The following STON1 variants were observed in gnomAD, a reference collection of about 807,000 sequenced individuals.
STON1 encodes stonin-1.
STON1 carries 79 observed loss-of-function variants against 60.9 expected under a neutral mutation model. The observed-to-expected ratio is 1.30, with a 90% CI of 1.08 to 1.56. The LOEUF (loss-of-function observed/expected upper bound fraction) is 1.56, where lower values mean the gene tolerates loss of function less well. STON1 is among the 40% of genes most tolerant of loss of function. The probability of loss-of-function intolerance (pLI) is 0.00; values close to 1 mark genes in which losing one functional copy is unlikely to be tolerated. For synonymous variants in STON1, 363 were observed against 306.9 expected (o/e 1.18, Z -1.91); for missense variants, 1,166 against 858.9 (o/e 1.36, Z -4.47).
intron 1 of STON1, among the ~76,000 whole-genome samples, chr2:48,532,544 T>C (rs1406016372): frequency 6.6e-6 from 1 of 152,166 alleles, no homozygotes; most frequent in Non-Finnish European, 1.5e-5. Flanking sequence ...TTCAGTCTCT[T>C]CCTCTTCCTG....
intron 1 of STON1, among the ~76,000 whole-genome samples, chr2:48,577,322 C>T (rs1249933549): frequency 1.3e-5 from 2 of 151,936 alleles, no homozygotes; most frequent in Non-Finnish European, 2.9e-5. Flanking sequence ...GTGGCTCATC[C>T]CTATAATCCC....
At chr2:48,583,736 G>C (rs538115364) in intron 2 of STON1, among the ~76,000 whole-genome samples, 78 of 149,326 alleles carry the variant, frequency 5.2e-4, no homozygotes, top group African/African-American at 1.7e-3. Flanking sequence ...TCCATCCATT[G>C]ATCCAAATCT....
At chr2:48,590,083 T>C (rs1317279573) in intron 2 of STON1, among the ~76,000 whole-genome samples, 1 of 152,222 alleles carries the variant, frequency 6.6e-6, no homozygotes, top group East Asian at 1.9e-4. Flanking sequence ...CTGCAGTAAG[T>C]GTAAATGAAC....
At chr2:48,544,868 C>A (rs976946608) in intron 1 of STON1, among the ~76,000 whole-genome samples, 7 of 152,156 alleles carry the variant, frequency 4.6e-5, no homozygotes, top group African/African-American at 1.7e-4. Context: ...TGCTACAAAC[C>A]TTGTTTTTGT....
chr2:48,536,096 A>G (rs1273237555), intron 1 of STON1, among the ~76,000 whole-genome samples: 4 of 151,786 alleles, frequency 2.6e-5, no homozygotes, highest in Admixed American at 2.0e-4. Context: ...CAAAAAATAA[A>G]TCAAAAAACC....
intron 1 of STON1, among the ~76,000 whole-genome samples, chr2:48,543,972 C>T (rs2103764873): frequency 1.3e-5 from 2 of 152,294 alleles, no homozygotes; most frequent in East Asian, 1.9e-4. Flanking sequence ...GGTAGGGAAT[C>T]ACCAAAGGGG....
At chr2:48,533,792 A>G (rs1671315033) in intron 1 of STON1, among the ~76,000 whole-genome samples, 1 of 148,052 alleles carries the variant, frequency 6.8e-6, no homozygotes, top group South Asian at 2.2e-4. Context: ...TTTTTGAGAC[A>G]AAGTTTTGCT....
chr2:48,535,266 A>G (rs943539029), intron 1 of STON1, among the ~76,000 whole-genome samples: 3 of 152,188 alleles, frequency 2.0e-5, no homozygotes, highest in African/African-American at 7.2e-5. Flanking sequence ...GATGCTTATT[A>G]CTATGAACAC....
At chr2:48,578,839 C>T (rs2103904074) in intron 1 of STON1, among the ~76,000 whole-genome samples, 1 of 152,072 alleles carries the variant, frequency 6.6e-6, no homozygotes. Flanking sequence ...GATCTACCCA[C>T]CTTGGCCTCC....
chr2:48,541,053 T>C (rs1204351276), intron 1 of STON1, among the ~76,000 whole-genome samples: 1 of 152,214 alleles, frequency 6.6e-6, no homozygotes, highest in Non-Finnish European at 1.5e-5. Flanking sequence ...ACTCCTAATT[T>C]AAAAGTTTAT....
chr2:48,586,031 T>C (rs950824763), intron 2 of STON1, among the ~76,000 whole-genome samples: 1 of 152,248 alleles, frequency 6.6e-6, no homozygotes, highest in African/African-American at 2.4e-5. Flanking sequence ...TTGCTCTACT[T>C]AGAGCAGGTG....
chr2:48,581,339 C>T lies in STON1; in HGVS notation c.706C>T (p.Leu236Phe). ...LNYICEKLEH[L>F]QSAENQDSLR... ...CTATATCTGTGAGAAGCTTGAACAT[C>T]TCCAGTCAGCTGAGAACCAAGACTC... The change falls in exon 2 of 4, where the codon CTC (leucine) becomes TTC (phenylalanine). Residue 236 changes from leucine to phenylalanine, a missense_variant. Coordinates refer to ENST00000404752, the MANE Select transcript of STON1 (RefSeq NM_006873.4). 1.3e-6 allele frequency: 2 copies of T among 1,543,164 alleles called. No individual in the cohort carries two copies. Among genetic ancestry groups the T allele is most frequent in the Middle Eastern group, 1.8e-4 (1 of 5,696 alleles).
intron 3 of STON1, among the ~76,000 whole-genome samples, chr2:48,592,454 C>T (rs1318978261): frequency 4.0e-5 from 6 of 150,098 alleles, no homozygotes; most frequent in South Asian, 2.1e-4. Context: ...TTTTTTAAGA[C>T]GGCATCTCAC....
rs114946728 is a variant in STON1, at chr2:48,561,249, G to A, written c.-47-19338G>A. 9.4e-3 allele frequency among the ~76,000 whole-genome samples: 1,434 copies of A among 152,286 alleles called. 22 individuals are homozygous for A. Among genetic ancestry groups the A allele is most frequent in the African/African-American group, 0.032 (1,338 of 41,558 alleles). The stretch of plus-strand genomic sequence containing the variant: ...ACCAGCTCCCTGTCCTGTCTCTCCT[G>A]TGGCTCCACTAGTCCAAGGGCCAGA... On this transcript the variant is annotated intron_variant, in intron 1 of 3. Coordinates refer to ENST00000404752, the MANE Select transcript of STON1 (RefSeq NM_006873.4).
intron 1 of STON1, among the ~76,000 whole-genome samples, chr2:48,534,731 T>C (rs115190087): frequency 4.8e-4 from 73 of 152,190 alleles, no homozygotes; most frequent in Middle Eastern, 3.4e-3. Context: ...TTCAGTGAGC[T>C]ATGTCACGCT....
intron 1 of STON1, among the ~76,000 whole-genome samples, chr2:48,554,651 G>A (rs1385650300): frequency 6.6e-6 from 1 of 152,042 alleles, no homozygotes; most frequent in Non-Finnish European, 1.5e-5. Flanking sequence ...ATGTCAGTTG[G>A]CACATCCAGT....
chr2:48,544,103 A>G (rs1671765782), intron 1 of STON1, among the ~76,000 whole-genome samples: 1 of 152,196 alleles, frequency 6.6e-6, no homozygotes, highest in Non-Finnish European at 1.5e-5. Flanking sequence ...GGCTCAGAAC[A>G]TGTTGCTTTT....
chr2:48,565,390 G>A (rs554605864), intron 1 of STON1, among the ~76,000 whole-genome samples: 24 of 152,028 alleles, frequency 1.6e-4, no homozygotes, highest in Non-Finnish European at 2.6e-4. Context: ...ATTCATGAGG[G>A]CTCTACACTC....
rs142845585 is a variant in STON1, at chr2:48,579,582, G to A, written c.-47-1005G>A. Among the ~76,000 whole-genome samples the A allele has an allele frequency of 3.8e-3, 582 of 152,208 alleles. 4 individuals are homozygous for A. The highest frequency in any genetic ancestry group is 0.013 in the African/African-American group (546 of 41,534). ...TTATTCCATTGTGGTTAGAAAAAAT[G>A]TTTGTGTGATTTCAATCTTCTCACA... On this transcript the variant is annotated intron_variant, in intron 1 of 3. Coordinates refer to ENST00000404752, the MANE Select transcript of STON1 (RefSeq NM_006873.4).
Sources: gnomAD v4.1 joint callset for allele counts (sites outside exome capture counted in the v4.1 genomes callset) on GRCh38, gnomAD v4.1.1 for gene constraint, MANE v1.5 for transcripts, NCBI Gene and HGNC (gene_info 2026-07-23, HGNC 2026-07-21) for gene names.